Variants in LSAMP observed in about 807,000 individuals in gnomAD.
The protein encoded by LSAMP is limbic system-associated membrane protein.
LSAMP carries 7 observed loss-of-function variants against 38.6 expected under a neutral mutation model. The observed-to-expected ratio is 0.18, with a 90% CI of 0.10 to 0.34. LSAMP has a LOEUF of 0.34. Among genes scored for constraint, LSAMP ranks in the 10% least tolerant of loss-of-function variants. The pLI, the probability that LSAMP is intolerant of heterozygous loss-of-function variation, is 1.00. For missense variants in LSAMP, 313 were observed against 420.0 expected, an observed-to-expected ratio of 0.75 and a Z score of 2.23; for synonymous variants, 154 against 166.8, an observed-to-expected ratio of 0.92 and a Z score of 0.59.
intron 1 of LSAMP, among the ~76,000 whole-genome samples, chr3:116,224,538 G>T (rs1282618612): frequency 6.6e-6 from 1 of 152,220 alleles, no homozygotes; most frequent in South Asian, 2.1e-4. Flanking sequence ...TATTTTTCTG[G>T]GTCTAAAAAT....
intron 2 of LSAMP, among the ~76,000 whole-genome samples, chr3:116,064,279 A>C (rs1265740266): frequency 6.6e-6 from 1 of 152,170 alleles, no homozygotes; most frequent in Non-Finnish European, 1.5e-5. Flanking sequence ...TAATCCCAAC[A>C]TTTTAGGAGG....
At chr3:116,140,530 A>G (rs1709347003) in intron 1 of LSAMP, among the ~76,000 whole-genome samples, 2 of 152,024 alleles carry the variant, frequency 1.3e-5, no homozygotes, top group Non-Finnish European at 2.9e-5. Context: ...ATCATCTTAG[A>G]AAAATAAAGT....
intron 1 of LSAMP, among the ~76,000 whole-genome samples, chr3:116,353,311 C>G (rs2048166951): frequency 6.6e-6 from 1 of 152,030 alleles, no homozygotes; most frequent in African/African-American, 2.4e-5. Flanking sequence ...GTGAATTACT[C>G]AAAATGATCA....
intron 1 of LSAMP, among the ~76,000 whole-genome samples, chr3:116,209,845 G>A (rs1047829116): frequency 6.6e-6 from 1 of 152,098 alleles, no homozygotes; most frequent in Non-Finnish European, 1.5e-5. Flanking sequence ...TCCGCCACCC[G>A]GGTTGACGCC....
Position 115,871,631 on chromosome 3 carries a change from CAG to C in LSAMP, c.515-19016_515-19015del, listed in dbSNP as rs1254116764. On this transcript the variant is annotated intron_variant, in intron 3 of 6. Coordinates refer to ENST00000490035, the MANE Select transcript of LSAMP (RefSeq NM_002338.5). ...TGTGTGTGTGTGTAAGAGAGACAGA[CAG>C]AGAGACAAAGAGAGAGAGGCAGAGA... 2.5e-5 allele frequency among the ~76,000 whole-genome samples: 3 copies of C among 121,340 alleles called. No individual in the cohort carries two copies. In the East Asian group the frequency reaches 7.0e-4, roughly 28 times the overall value. 79.6% of individuals were successfully genotyped at this position (121,340 alleles called of 152,430 possible). A position where few individuals can be genotyped will look rare whatever the true frequency, so the allele number is the denominator to read the frequency against.
intron 1 of LSAMP, among the ~76,000 whole-genome samples, chr3:116,277,831 G>C (rs943431172): frequency 1.4e-4 from 21 of 152,218 alleles, no homozygotes; most frequent in African/African-American, 4.6e-4. Context: ...GAGAGACTCA[G>C]CCTGCTCTTA....
At chr3:116,402,912 A>G (rs1326170166) in intron 1 of LSAMP, among the ~76,000 whole-genome samples, 3 of 151,830 alleles carry the variant, frequency 2.0e-5, no homozygotes, top group Non-Finnish European at 2.9e-5. Flanking sequence ...AGTGAAAACC[A>G]CTCTTGCCTT....
At chr3:116,193,951 T>C (rs575481224) in intron 1 of LSAMP, among the ~76,000 whole-genome samples, 1 of 152,150 alleles carries the variant, frequency 6.6e-6, no homozygotes, top group South Asian at 2.1e-4. Flanking sequence ...TCCACTTCTT[T>C]AGTTGTGCAC....
rs71141863 is a variant in LSAMP, at chr3:116,222,720, C to CTTTTT, written c.156-136169_156-136165dup. On this transcript the variant is annotated intron_variant, in intron 1 of 6. Transcript: ENST00000490035. ...TTTTTTGCTCACCTTTCATCCTCTC[C>CTTTTT]TTTTTTTTTTTTTTTTTTTTTTTTT... Among the ~76,000 whole-genome samples, 12 of 49,942 alleles carry CTTTTT rather than the reference C, an allele frequency of 2.4e-4. 3 individuals are homozygous for CTTTTT. The highest frequency in any genetic ancestry group is 3.5e-4 in the African/African-American group (4 of 11,542). 32.8% of individuals were successfully genotyped at this position (49,942 alleles called of 152,430 possible).
chr3:116,132,575 A>C (rs1709159183), intron 1 of LSAMP, among the ~76,000 whole-genome samples: 1 of 152,200 alleles, frequency 6.6e-6, no homozygotes, highest in Non-Finnish European at 1.5e-5. Flanking sequence ...CTCATGAATG[A>C]AAAGTCCACA....
chr3:115,964,233 G>A (rs1359613620), intron 3 of LSAMP, among the ~76,000 whole-genome samples: 1 of 152,104 alleles, frequency 6.6e-6, no homozygotes, highest in Non-Finnish European at 1.5e-5. Flanking sequence ...TTTATAGGTG[G>A]TAAACTATTT....
chr3:115,913,471 C>G (rs1195572103), intron 3 of LSAMP, among the ~76,000 whole-genome samples: 1 of 152,158 alleles, frequency 6.6e-6, no homozygotes, highest in East Asian at 1.9e-4. Context: ...GAGACTTTTG[C>G]TGGGTGCTTA....
intron 1 of LSAMP, among the ~76,000 whole-genome samples, chr3:116,182,804 C>T (rs1379316996): frequency 1.3e-5 from 2 of 151,692 alleles, no homozygotes; most frequent in Admixed American, 6.6e-5. Context: ...TGTACATTCT[C>T]ATAATAGATA....
intron 1 of LSAMP, among the ~76,000 whole-genome samples, chr3:116,221,425 A>G (rs2046283625): frequency 6.6e-6 from 1 of 152,130 alleles, no homozygotes; most frequent in Admixed American, 6.6e-5. Flanking sequence ...CTCCCATCCC[A>G]GCTCTGAACT....
At chr3:116,118,985 G>C (rs935636924) in intron 1 of LSAMP, among the ~76,000 whole-genome samples, 2 of 152,140 alleles carry the variant, frequency 1.3e-5, no homozygotes, top group Non-Finnish European at 2.9e-5. Context: ...GTAAGTCTGG[G>C]TGAGGTTGAG....
chr3:116,071,688 A>G (rs971507698), intron 2 of LSAMP, among the ~76,000 whole-genome samples: 2 of 152,122 alleles, frequency 1.3e-5, no homozygotes, highest in African/African-American at 4.8e-5. Flanking sequence ...TGCACAGATC[A>G]ACCCATCACC....
intron 1 of LSAMP, among the ~76,000 whole-genome samples, chr3:116,133,351 C>T (rs942382743): frequency 5.3e-5 from 8 of 151,748 alleles, no homozygotes; most frequent in Admixed American, 3.3e-4. Context: ...AGTGCAGTGG[C>T]GTGATCACAG....
chr3:115,844,654 A>G lies in LSAMP; in HGVS notation c.650-2076T>C, dbSNP rs184565059. Among the ~76,000 whole-genome samples the G allele has an allele frequency of 9.2e-4, 140 of 152,268 alleles. 1 individual carries two copies. The highest frequency in any genetic ancestry group is 3.1e-3 in the African/African-American group (130 of 41,552). On this transcript the variant is annotated intron_variant, in intron 4 of 6. Transcript: ENST00000490035. ...CGTTTGAGAGTTTAATACTTTGCCA[A>G]TAGTCACATTGCTTCCATTTCCTTA...
intron 2 of LSAMP, among the ~76,000 whole-genome samples, chr3:116,043,488 AC>A (rs889156726): frequency 6.6e-6 from 1 of 152,178 alleles, no homozygotes; most frequent in African/African-American, 2.4e-5. Context: ...ACACAAGGCA[AC>A]AAAATGGCAT....
Sources: allele counts gnomAD v4.1 joint callset (sites outside exome capture counted in the v4.1 genomes callset), GRCh38; gene constraint gnomAD v4.1.1; transcripts MANE v1.5; gene names NCBI Gene and HGNC (gene_info 2026-07-23, HGNC 2026-07-21).